Variants in SP140 observed in about 807,000 individuals in gnomAD.
The protein encoded by SP140 is nuclear body protein SP140.
SP140 carries 81 observed loss-of-function variants against 125.0 expected under a neutral mutation model. The observed-to-expected ratio is 0.65, with a 90% CI of 0.54 to 0.78. The LOEUF (loss-of-function observed/expected upper bound fraction) is 0.78. Ranked by LOEUF, SP140 falls within the 30% of genes least tolerant of loss-of-function variation. SP140 has a pLI of 0.00. For missense variants in SP140, 858 were observed against 1,037.0 expected, an observed-to-expected ratio of 0.83 and a Z score of 2.37; for synonymous variants, 312 against 354.0, an observed-to-expected ratio of 0.88 and a Z score of 1.33.
At chr2:230,239,271 C>T (rs936693043) in intron 3 of SP140, among the ~76,000 whole-genome samples, 2 of 152,112 alleles carry the variant, frequency 1.3e-5, no homozygotes, top group Non-Finnish European at 2.9e-5. Flanking sequence ...CACTCTCAGT[C>T]CTGAATGCTT....
chr2:230,253,436 T>G lies in SP140; in HGVS notation c.1159+19T>G. 6.4e-7 allele frequency: 1 copy of G among 1,554,392 alleles called. No individual in the cohort carries two copies. Among genetic ancestry groups the G allele is most frequent in the Non-Finnish European group, 8.9e-7 (1 of 1,125,952 alleles). On this transcript the variant is annotated intron_variant, in intron 11 of 26. Coordinates refer to ENST00000392045, the MANE Select transcript of SP140 (RefSeq NM_007237.5). ...GGAGAAGGTAATTATGATGTACATTTTTAGGTATTTGAGTACATCTTTGTT... is the reference window on the plus strand; with the variant it reads ...GGAGAAGGTAATTATGATGTACATTGTTAGGTATTTGAGTACATCTTTGTT...
Position 230,255,538 on chromosome 2 carries a change from GA to G in SP140, c.1240+7del. ...CCTAGCAAGACGTGGGTCAGGTAAGGACGGGGGGGGGGATTTCTGGCCCTGG... is the reference window on the plus strand; with the variant it reads ...CCTAGCAAGACGTGGGTCAGGTAAGGCGGGGGGGGGGATTTCTGGCCCTGG... On this transcript the variant is annotated splice_region_variant and intron_variant, in intron 12 of 26. Coordinates refer to ENST00000392045, the MANE Select transcript of SP140 (RefSeq NM_007237.5). The G allele has an allele frequency of 1.3e-6, 2 of 1,488,074 alleles. No homozygotes were observed. The highest frequency in any genetic ancestry group is 1.8e-6 in the Non-Finnish European group (2 of 1,126,096). The allele number at this position is 1,488,074 out of a possible 1,614,324, so 92.2% of individuals were successfully genotyped here. A position where few individuals can be genotyped will look rare whatever the true frequency, so the allele number is the denominator to read the frequency against.
At chr2:230,306,490 G>A (rs2058774719) in intron 22 of SP140, among the ~76,000 whole-genome samples, 1 of 152,240 alleles carries the variant, frequency 6.6e-6, no homozygotes, top group African/African-American at 2.4e-5. Context: ...GCAACTGCAG[G>A]TGCCCAGGTT....
chr2:230,231,689 GA>G (rs1293613226), intron 1 of SP140, among the ~76,000 whole-genome samples: 7 of 152,172 alleles, frequency 4.6e-5, no homozygotes, highest in African/African-American at 1.7e-4. Flanking sequence ...ACTTTTAAAA[GA>G]ATTTCTCCCT....
intron 3 of SP140, 157 bp downstream of exon 3, chr2:230,238,538 A>G (rs1220624838): frequency 2.5e-6 from 2 of 793,508 alleles, no homozygotes; most frequent in Non-Finnish European, 4.0e-6. Flanking sequence ...CACATGTCCC[A>G]TGTCCTTATG....
chr2:230,288,552 G>A lies in SP140; in HGVS notation c.1720+586G>A, dbSNP rs749073073. ...TTATTCTTTAAGTTCTGAGATACAC[G>A]TGTAGAATGTGCAGGTTCTACAACC... is the stretch of plus-strand genomic sequence containing the variant. On this transcript the variant is annotated intron_variant, in intron 18 of 26. Coordinates refer to ENST00000392045, the MANE Select transcript of SP140 (RefSeq NM_007237.5). Among the ~76,000 whole-genome samples the A allele has an allele frequency of 1.6e-4, 23 of 142,508 alleles. 1 individual carries two copies. The highest frequency in any genetic ancestry group is 2.4e-4 in the Non-Finnish European group (16 of 66,174). 93.5% of individuals were successfully genotyped at this position (142,508 alleles called of 152,430 possible). A position where few individuals can be genotyped will look rare whatever the true frequency, so the allele number is the denominator to read the frequency against.
chr2:230,266,182 TG>T (rs1280796015), intron 12 of SP140, among the ~76,000 whole-genome samples: 1 of 152,164 alleles, frequency 6.6e-6, no homozygotes, highest in East Asian at 1.9e-4. Context: ...CTGAAGACAT[TG>T]TAACATTTCT....
At chr2:230,270,438 G>A (rs552030983) in intron 14 of SP140, 148 bp from the exon 15 acceptor site, 278 of 773,646 alleles carry the variant, frequency 3.6e-4, no homozygotes, top group Middle Eastern at 3.2e-3. Flanking sequence ...TCTCAGTTCG[G>A]TGGGTTTTTG....
At chr2:230,222,334 T>A (rs1397303208), upstream of SP140, among the ~76,000 whole-genome samples, 1 of 152,076 alleles carries the variant, frequency 6.6e-6, no homozygotes, top group Non-Finnish European at 1.5e-5. Flanking sequence ...AAATTATACA[T>A]AATTCTTTTT....
At chr2:230,250,542 C>A (rs1383433004) in intron 9 of SP140, among the ~76,000 whole-genome samples, 2 of 152,072 alleles carry the variant, frequency 1.3e-5, no homozygotes, top group Non-Finnish European at 2.9e-5. Flanking sequence ...TTTCCTGATG[C>A]CCAGTATGAG....
In SP140 at chr2:230,312,771, T is replaced by G; in HGVS notation, c.*87T>G. 2.1e-6 allele frequency: 2 copies of G among 936,430 alleles called. No homozygotes were observed. Among genetic ancestry groups the G allele is most frequent in the Non-Finnish European group, 3.5e-6 (2 of 577,912 alleles). 58.0% of individuals were successfully genotyped at this position (936,430 alleles called of 1,614,324 possible). ...CCACTGACTTCAAAATGAGGTCACT[T>G]GGGCACAGCACATGCAGGGAGGGGC... is the stretch of plus-strand genomic sequence containing the variant. On this transcript the variant is annotated 3_prime_UTR_variant, in exon 27 of 27. Transcript: ENST00000392045.
rs973796837 is a variant in SP140, at chr2:230,310,770, G to A, written c.2202G>A (p.Arg734=). The A allele has an allele frequency of 1.7e-5, 26 of 1,537,412 alleles. No homozygotes were observed. The highest frequency in any genetic ancestry group is 2.2e-5 in the Non-Finnish European group (25 of 1,130,976). Residue 734 remains arginine, a synonymous_variant, in exon 24 of 27, where the codon AGG becomes AGA. Coordinates refer to ENST00000392045, the MANE Select transcript of SP140 (RefSeq NM_007237.5). The part of the protein sequence containing the change: ...ERTPWNCIFC[R]MKESPGSQQC... ...CCCCGTGGAATTGCATCTTCTGCAG[G>A]ATGAAGGAGTCTCCGGGAAGCCAAC...
At chr2:230,193,278 A>G in the SP140 span, among the ~76,000 whole-genome samples, 1 of 152,114 alleles carries the variant, frequency 6.6e-6, no homozygotes, top group African/African-American at 2.4e-5. Context: ...AAGATAGCAG[A>G]TATTTGGTTT....
chr2:230,208,641 A>G (rs776062377), intron 1 of SP140, among the ~76,000 whole-genome samples: 8 of 152,188 alleles, frequency 5.3e-5, no homozygotes, highest in Non-Finnish European at 1.0e-4. Flanking sequence ...GAGGTTTGAA[A>G]AATAGGGCTT....
At chr2:230,267,228 T>C (rs1233607708) in intron 12 of SP140, among the ~76,000 whole-genome samples, 1 of 152,178 alleles carries the variant, frequency 6.6e-6, no homozygotes, top group Non-Finnish European at 1.5e-5. Context: ...GGAAGTGAGG[T>C]ATACCTATTT....
At chr2:230,283,626 C>G (rs1294368581) in intron 15 of SP140, among the ~76,000 whole-genome samples, 1 of 152,170 alleles carries the variant, frequency 6.6e-6, no homozygotes, top group African/African-American at 2.4e-5. Context: ...GGAGATTGCT[C>G]CCTTCAATGA....
upstream of SP140, chr2:230,225,656 A>C: frequency 1.5e-6 from 1 of 650,714 alleles, no homozygotes; most frequent in East Asian, 2.8e-5. Flanking sequence ...CCCTTGACTG[A>C]GAGACGTCAT....
At chr2:230,275,314 A>C (rs2054552130) in intron 15 of SP140, among the ~76,000 whole-genome samples, 1 of 152,120 alleles carries the variant, frequency 6.6e-6, no homozygotes, top group Non-Finnish European at 1.5e-5. Context: ...TGTCAAAAAA[A>C]GTCTGTTGGT....
intron 15 of SP140, among the ~76,000 whole-genome samples, chr2:230,271,372 G>A (rs62191197): frequency 0.089 from 13,607 of 152,110 alleles, 820 homozygotes; most frequent in East Asian, 0.12. Context: ...GTAGAAACAT[G>A]GATGCTAAAG....
Sources: gnomAD v4.1 joint callset for allele counts (sites outside exome capture counted in the v4.1 genomes callset) on GRCh38, gnomAD v4.1.1 for gene constraint, MANE v1.5 for transcripts, NCBI Gene and HGNC (gene_info 2026-07-23, HGNC 2026-07-21) for gene names.